Variants in MBTPS1 observed in about 807,000 individuals in gnomAD.
MBTPS1 encodes the protein membrane bound transcription factor peptidase, site 1.
A neutral mutation model predicts 127.8 loss-of-function variants in MBTPS1; 94 were observed. The observed-to-expected ratio is 0.74, with a 90% confidence interval of 0.62 to 0.87. The LOEUF is 0.87. Ranked by LOEUF, MBTPS1 falls within the 40% of genes least tolerant of loss-of-function variation. The probability of loss-of-function intolerance (pLI) is 0.00; values close to 1 mark genes in which losing one functional copy is unlikely to be tolerated. For synonymous variants in MBTPS1, 632 were observed against 509.4 expected, an observed-to-expected ratio of 1.24 and a Z score of -3.24; for missense variants, 1,636 against 1,353.2, an observed-to-expected ratio of 1.21 and a Z score of -3.28.
chr16:84,064,899 T>C (rs148062597), intron 18 of MBTPS1, among the ~76,000 whole-genome samples: 187 of 152,350 alleles, frequency 1.2e-3, no homozygotes, highest in African/African-American at 4.4e-3. Context: ...TCTCTTTTCA[T>C]CGTTTTCAAC....
chr16:84,114,641 C>T (rs2086444384), intron 1 of MBTPS1, among the ~76,000 whole-genome samples: 1 of 151,656 alleles, frequency 6.6e-6, no homozygotes, highest in South Asian at 2.1e-4. Flanking sequence ...ACCAGCCTGA[C>T]CAACATGGTA....
At chr16:84,103,720 G>A (rs2086287766) in intron 1 of MBTPS1, among the ~76,000 whole-genome samples, 1 of 152,120 alleles carries the variant, frequency 6.6e-6, no homozygotes, top group Non-Finnish European at 1.5e-5. Context: ...CATTGATAAA[G>A]TACCGTGAGG....
intron 1 of MBTPS1, among the ~76,000 whole-genome samples, chr16:84,104,764 G>C (rs1309454495): frequency 1.3e-5 from 2 of 152,066 alleles, no homozygotes; most frequent in Non-Finnish European, 2.9e-5. Context: ...AAAGGATTTG[G>C]CGGTTTTCAA....
At chr16:84,103,961 C>T (rs1467000801) in intron 1 of MBTPS1, among the ~76,000 whole-genome samples, 3 of 152,166 alleles carry the variant, frequency 2.0e-5, no homozygotes, top group Non-Finnish European at 4.4e-5. Flanking sequence ...ACAGAAAGAT[C>T]AGAAAAGCAG....
intron 9 of MBTPS1, chr16:84,086,477 C>A (rs1161611737): frequency 1.3e-5 from 2 of 152,472 alleles, no homozygotes; most frequent in Non-Finnish European, 2.9e-5. Flanking sequence ...CAGGTCAGCT[C>A]CAGGAAGAGG....
At chr16:84,066,421 T>C in intron 17 of MBTPS1, 68 bp downstream of exon 17, 3 of 1,507,372 alleles carry the variant, frequency 2.0e-6, no homozygotes, top group South Asian at 1.3e-5. Flanking sequence ...TCAAGAAATC[T>C]AGACTTCAGA....
intron 10 of MBTPS1, among the ~76,000 whole-genome samples, chr16:84,084,176 C>G (rs1490651196): frequency 6.6e-6 from 1 of 152,114 alleles, no homozygotes; most frequent in Non-Finnish European, 1.5e-5. Context: ...TCAGGCTGGT[C>G]TTGAACTCCT....
intron 12 of MBTPS1, 76 bp downstream of exon 12, chr16:84,074,521 G>C (rs925955761): frequency 1.4e-6 from 2 of 1,462,586 alleles, no homozygotes; most frequent in Non-Finnish European, 1.9e-6. Context: ...TTCAGCAGAA[G>C]TAACTATGGC....
At chr16:84,088,813 C>G (rs116543395) in intron 8 of MBTPS1, among the ~76,000 whole-genome samples, 2 of 152,102 alleles carry the variant, frequency 1.3e-5, no homozygotes, top group African/African-American at 2.4e-5. Flanking sequence ...GATGCCCAAG[C>G]AGAAAAAACC....
chr16:84,094,887 T>C (rs1235100136), intron 4 of MBTPS1, among the ~76,000 whole-genome samples: 2 of 152,030 alleles, frequency 1.3e-5, no homozygotes. Flanking sequence ...GAGGTAAGGG[T>C]CCCTAAGTCA....
At chr16:84,093,320 T>TC in intron 5 of MBTPS1, 23 bp from the exon 6 acceptor site, 1 of 1,501,076 alleles carries the variant, frequency 6.7e-7, no homozygotes, top group Non-Finnish European at 9.3e-7. Flanking sequence ...AAGAAAACAA[T>TC]CCCATAAAAC....
In MBTPS1 at chr16:84,116,805, C is replaced by T. The variant is rs1472949497; in HGVS notation, c.-395G>A. On this transcript the variant is annotated 5_prime_UTR_variant, in exon 1 of 23. It adds an upstream start codon to the 5' untranslated region. Coordinates refer to ENST00000343411, the MANE Select transcript of MBTPS1 (RefSeq NM_003791.4). ...CCTCCGCGGCGAACACGCCTGGGCA[C>T]TCCATTCGGGGCTGTTTACTCCCAA... The T allele has an allele frequency of 1.3e-5, 2 of 152,168 alleles. No homozygotes were observed. Among genetic ancestry groups the T allele is most frequent in the Admixed American group, 6.5e-5 (1 of 15,286 alleles). 9.4% of individuals were successfully genotyped at this position (152,168 alleles called of 1,614,324 possible).
chr16:84,074,736 C>A lies in MBTPS1; in HGVS notation c.1454G>T (p.Ser485Ile), dbSNP rs745614764. Reference sequence around the variant, plus strand: ...CTCAGTCAGATCTATGTAGCTGGGGCTCAAACTGAAATAAAGAATACAGTG... The same window carrying A: ...CTCAGTCAGATCTATGTAGCTGGGGATCAAACTGAAATAAAGAATACAGTG... Reference protein sequence around the residue: ...LNSYKPQASLSPSYIDLTECP... With the variant: ...LNSYKPQASLIPSYIDLTECP... Residue 485 changes from serine to isoleucine, a missense_variant, in exon 12 of 23, where the codon AGC becomes ATC. Physicochemically the swap from Ser to Ile is moderately radical, Grantham distance 142. Coordinates refer to ENST00000343411, the MANE Select transcript of MBTPS1 (RefSeq NM_003791.4). 1 of 1,612,560 alleles carries A rather than the reference C, an allele frequency of 6.2e-7. No homozygotes were observed. Among genetic ancestry groups the A allele is most frequent in the Non-Finnish European group, 8.5e-7 (1 of 1,179,386 alleles).
intron 17 of MBTPS1, among the ~76,000 whole-genome samples, chr16:84,066,072 G>C (rs1016889941): frequency 6.6e-6 from 1 of 152,160 alleles, no homozygotes; most frequent in African/African-American, 2.4e-5. Flanking sequence ...CTCAAAACAA[G>C]CTGTCCAGAC....
intron 18 of MBTPS1, among the ~76,000 whole-genome samples, chr16:84,064,302 T>C (rs1266490577): frequency 1.3e-5 from 2 of 151,822 alleles, no homozygotes; most frequent in African/African-American, 4.8e-5. Flanking sequence ...GAAGAAAAAA[T>C]AGGCCATTCT....
intron 3 of MBTPS1, among the ~76,000 whole-genome samples, chr16:84,098,496 G>A (rs2151166798): frequency 6.6e-6 from 1 of 151,692 alleles, no homozygotes; most frequent in African/African-American, 2.4e-5. Flanking sequence ...TGTAATCCCA[G>A]CTACTTGGGA....
In MBTPS1 at chr16:84,065,696, C is replaced by G. The variant is rs748124706; in HGVS notation, c.2425G>C (p.Asp809His). The G allele has an allele frequency of 2.5e-6, 4 of 1,612,378 alleles. No individual in the cohort carries two copies. The highest frequency in any genetic ancestry group is 3.4e-6 in the Non-Finnish European group (4 of 1,178,786). ...DGVVITQTFK[D>H]QGLEVLKQET... ...CATGAATGGCATCCTTTACCTTGGT[C>G]CTTGAAAGTCTGTGTTATCACGACG... The change falls in exon 18 of 23, where the codon GAC becomes CAC. Residue 809 changes from aspartate to histidine, a missense_variant. By Grantham distance (81) the Asp-to-His change is moderately conservative. Transcript: ENST00000343411.
intron 3 of MBTPS1, among the ~76,000 whole-genome samples, chr16:84,096,211 A>G (rs147066677): frequency 2.0e-4 from 30 of 152,290 alleles, no homozygotes; most frequent in African/African-American, 7.0e-4. Context: ...TATTTTTACT[A>G]TAAGTTTCAC....
At chr16:84,098,801 C>A (rs1010749816) in intron 3 of MBTPS1, among the ~76,000 whole-genome samples, 1 of 152,124 alleles carries the variant, frequency 6.6e-6, no homozygotes, top group Non-Finnish European at 1.5e-5. Flanking sequence ...CCATCTACTA[C>A]TGCAAACCCT....
Sources: gnomAD v4.1 joint callset for allele counts (sites outside exome capture counted in the v4.1 genomes callset) on GRCh38, gnomAD v4.1.1 for gene constraint, MANE v1.5 for transcripts, NCBI Gene and HGNC (gene_info 2026-07-23, HGNC 2026-07-21) for gene names.